Variants in ATP9A observed in about 807,000 individuals in gnomAD.
The protein encoded by ATP9A is ATPase phospholipid transporting 9A.
Under a neutral mutation model 144.1 loss-of-function variants are expected in ATP9A, and 52 were observed. The observed-to-expected ratio is 0.36, with a 90% CI of 0.29 to 0.45. ATP9A has a LOEUF of 0.45. ATP9A is among the 20% of genes least tolerant of loss of function. ATP9A has a pLI of 1.00. For synonymous variants in ATP9A, 582 were observed against 557.4 expected (o/e 1.04, Z -0.62); for missense variants, 947 against 1,392.7 (o/e 0.68, Z 5.09).
chr20:51,606,095 C>T (rs1392034311), intron 26 of ATP9A, among the ~76,000 whole-genome samples: 1 of 151,678 alleles, frequency 6.6e-6, no homozygotes, highest in South Asian at 2.1e-4. Flanking sequence ...TGGTGAAACC[C>T]CCGCCTCTAC....
chr20:51,646,557 A>G (rs908037447), intron 14 of ATP9A, among the ~76,000 whole-genome samples: 1 of 152,208 alleles, frequency 6.6e-6, no homozygotes, highest in Non-Finnish European at 1.5e-5. Context: ...TCAAATGCCG[A>G]CAGGCGTTGG....
intron 15 of ATP9A, among the ~76,000 whole-genome samples, chr20:51,636,868 T>C (rs1015907854): frequency 2.6e-5 from 4 of 152,248 alleles, no homozygotes; most frequent in East Asian, 1.9e-4. Context: ...GGTGGGCGGA[T>C]TGCTTGATGT....
In ATP9A at chr20:51,709,589, G is replaced by A. The variant is rs8114129; in HGVS notation, c.436+3377C>T. Reference sequence around the variant, plus strand: ...ATAAAAAATAGAAATTTAGCAGGGCGTGGTGGTGTGCACCTGTAGTCCCAA... The same window carrying A: ...ATAAAAAATAGAAATTTAGCAGGGCATGGTGGTGTGCACCTGTAGTCCCAA... On this transcript the variant is annotated intron_variant, in intron 4 of 27. Coordinates refer to ENST00000338821, the MANE Select transcript of ATP9A (RefSeq NM_006045.3). Among the ~76,000 whole-genome samples, 60 of 152,124 alleles carry A rather than the reference G, an allele frequency of 3.9e-4. 1 individual carries two copies. The highest frequency in any genetic ancestry group is 1.4e-3 in the African/African-American group (56 of 41,426).
At chr20:51,764,300 C>T (rs949809154) in intron 1 of ATP9A, among the ~76,000 whole-genome samples, 1 of 152,188 alleles carries the variant, frequency 6.6e-6, no homozygotes, top group African/African-American at 2.4e-5. Flanking sequence ...GCCATTTCAC[C>T]ACAAGAGGAG....
intron 18 of ATP9A, among the ~76,000 whole-genome samples, chr20:51,623,781 C>A (rs1279378202): frequency 6.1e-5 from 6 of 98,828 alleles, no homozygotes; most frequent in African/African-American, 2.3e-4. Context: ...GAGTGAAACT[C>A]TGTCTCAAAA....
chr20:51,682,571 C>T (rs1242367498), intron 9 of ATP9A, among the ~76,000 whole-genome samples: 2 of 64,728 alleles, frequency 3.1e-5, no homozygotes, highest in East Asian at 4.9e-4. Flanking sequence ...TTGCTTTTCA[C>T]TGTATCTTTT....
intron 2 of ATP9A, among the ~76,000 whole-genome samples, chr20:51,729,371 T>C (rs1228612833): frequency 2.2e-5 from 3 of 135,124 alleles, no homozygotes; most frequent in African/African-American, 8.2e-5. Flanking sequence ...TACCCAGTGC[T>C]GAACCCAGGG....
intron 1 of ATP9A, among the ~76,000 whole-genome samples, chr20:51,756,451 T>C (rs111316438): frequency 0.2 from 29,826 of 151,892 alleles, 3,453 homozygotes; most frequent in East Asian, 0.35. Context: ...CCACCACACC[T>C]GGCTAATTTT....
At chr20:51,607,441 T>C in intron 26 of ATP9A, 86 bp downstream of exon 26, 1 of 1,267,300 alleles carries the variant, frequency 7.9e-7, no homozygotes, top group Non-Finnish European at 1.1e-6. Flanking sequence ...GATTCGTTTC[T>C]TCTCTTCTTG....
At chr20:51,741,085 C>T (rs115966945) in intron 1 of ATP9A, among the ~76,000 whole-genome samples, 1,425 of 100,310 alleles carry the variant, frequency 0.014, 18 homozygotes, top group African/African-American at 0.038. Context: ...TTAAAAATTC[C>T]TTTTCCCTGG....
At chr20:51,750,119 G>A (rs940184353) in intron 1 of ATP9A, among the ~76,000 whole-genome samples, 10 of 152,128 alleles carry the variant, frequency 6.6e-5, no homozygotes, top group African/African-American at 2.4e-4. Context: ...CGCACCACTT[G>A]CACTCCAGCC....
chr20:51,734,247 T>C (rs2077754101), intron 1 of ATP9A, among the ~76,000 whole-genome samples: 1 of 152,050 alleles, frequency 6.6e-6, no homozygotes, highest in South Asian at 2.1e-4. Context: ...TCTTCCAAAG[T>C]GTTGGGATTA....
intron 1 of ATP9A, among the ~76,000 whole-genome samples, chr20:51,752,584 C>G (rs1476950615): frequency 6.6e-6 from 1 of 151,834 alleles, no homozygotes; most frequent in Non-Finnish European, 1.5e-5. Flanking sequence ...ATCTGGATGC[C>G]CTTTCAAACA....
At chr20:51,650,153 T>A (rs913949439) in intron 14 of ATP9A, among the ~76,000 whole-genome samples, 1 of 152,198 alleles carries the variant, frequency 6.6e-6, no homozygotes, top group Non-Finnish European at 1.5e-5. Flanking sequence ...TGATATTCCA[T>A]GTCCTGGCAC....
intron 1 of ATP9A, among the ~76,000 whole-genome samples, chr20:51,739,349 CT>C (rs749000986): frequency 0.044 from 5,983 of 134,596 alleles, 105 homozygotes; most frequent in South Asian, 0.073. Flanking sequence ...TACACTCACT[CT>C]TTTTTTTTTT....
chr20:51,693,983 G>C, intron 7 of ATP9A, 25 bp downstream of exon 7: 1 of 1,601,916 alleles, frequency 6.2e-7, no homozygotes, highest in Non-Finnish European at 8.5e-7. Flanking sequence ...TGCCCGCATG[G>C]GCTTCTGCAG....
rs576241908 is a variant in ATP9A, at chr20:51,612,970, C to T, written c.2571+707G>A. ...GGACACGGTCCCAGGCCCTCCATGA[C>T]GAGTGTATCAAGAAGGTACTCAGAT... On this transcript the variant is annotated intron_variant, in intron 23 of 27. Transcript: ENST00000338821. Among the ~76,000 whole-genome samples, 10 of 152,246 alleles carry T rather than the reference C, an allele frequency of 6.6e-5. No individual in the cohort carries two copies. The South Asian group carries it at 1.2e-3, about 19-fold the overall frequency.
chr20:51,635,830 G>GGAAGGAAGGAAGGAAAGA (rs1568795826), intron 15 of ATP9A, among the ~76,000 whole-genome samples: 1 of 58,276 alleles, frequency 1.7e-5, no homozygotes. Flanking sequence ...GGAAGGGAGG[G>GGAAGGAAGGAAGGAAAGA]AGGGAGGGAG....
intron 14 of ATP9A, among the ~76,000 whole-genome samples, chr20:51,649,247 T>A (rs1167551821): frequency 6.6e-6 from 1 of 152,086 alleles, no homozygotes; most frequent in Non-Finnish European, 1.5e-5. Context: ...TCTGGAGCAC[T>A]TCAGGAGTTT....
Sources: allele counts gnomAD v4.1 joint callset (sites outside exome capture counted in the v4.1 genomes callset), GRCh38; gene constraint gnomAD v4.1.1; transcripts MANE v1.5; gene names NCBI Gene and HGNC (gene_info 2026-07-23, HGNC 2026-07-21).